Variants in METTL15 observed in about 807,000 individuals in gnomAD.
METTL15 encodes 12S rRNA N(4)-cytidine methyltransferase METTL15.
Under a neutral mutation model 38.3 loss-of-function variants are expected in METTL15, and 34 were observed. That is an observed-to-expected ratio of 0.89 (90% CI 0.68 to 1.18). METTL15 has a LOEUF of 1.18. METTL15 is among the 50% of genes most tolerant of loss of function. The pLI is 0.00. For missense variants in METTL15, 438 were observed against 498.4 expected, an observed-to-expected ratio of 0.88 and a Z score of 1.15; for synonymous variants, 162 against 170.9, an observed-to-expected ratio of 0.95 and a Z score of 0.41.
intron 6 of METTL15, among the ~76,000 whole-genome samples, chr11:28,439,614 A>T (rs1851016694): frequency 6.6e-6 from 1 of 152,134 alleles, no homozygotes; most frequent in Admixed American, 6.5e-5. Context: ...GGGGTGGAGG[A>T]GAAAAGGTAC....
chr11:28,163,742 ATTG>A lies in METTL15; in HGVS notation c.271-47314_271-47312del, dbSNP rs1163032381. 20 of 291,648 alleles carry A rather than the reference ATTG, an allele frequency of 6.9e-5. No individual in the cohort carries two copies. In the Admixed American group the frequency reaches 1.0e-3, roughly 15 times the overall value. 18.1% of individuals were successfully genotyped at this position (291,648 alleles called of 1,614,324 possible). On this transcript the variant is annotated intron_variant, in intron 3 of 6. Coordinates refer to ENST00000407364, the MANE Select transcript of METTL15 (RefSeq NM_001113528.2). The stretch of plus-strand genomic sequence containing the variant: ...AACTAAAATTTAGTGAGCTATTTTT[ATTG>A]TTGTTAATTTTTTAAGTCCTTTTTT...
At chr11:28,181,633 A>T (rs1409978767) in intron 3 of METTL15, among the ~76,000 whole-genome samples, 1 of 152,110 alleles carries the variant, frequency 6.6e-6, no homozygotes, top group Non-Finnish European at 1.5e-5. Context: ...TATATGTACC[A>T]CATTTTCTTT....
intron 5 of METTL15, among the ~76,000 whole-genome samples, chr11:28,404,996 A>C (rs1292067675): frequency 6.6e-6 from 1 of 152,132 alleles, no homozygotes; most frequent in South Asian, 2.1e-4. Context: ...CAAGCCCATA[A>C]ATGATACCAA....
intron 6 of METTL15, among the ~76,000 whole-genome samples, chr11:28,464,385 A>C (rs1851240309): frequency 6.6e-6 from 1 of 152,182 alleles, no homozygotes; most frequent in East Asian, 1.9e-4. Flanking sequence ...ACTCTGTTTC[A>C]ACTTGCCTAG....
intron 6 of METTL15, among the ~76,000 whole-genome samples, chr11:28,502,110 A>AG (rs1342170832): frequency 6.6e-6 from 1 of 151,648 alleles, no homozygotes; most frequent in Non-Finnish European, 1.5e-5. Flanking sequence ...CAAAAAAAAA[A>AG]AAAAGAAAAA....
intron 6 of METTL15, among the ~76,000 whole-genome samples, chr11:28,325,721 G>C (rs1473211857): frequency 1.3e-5 from 2 of 152,152 alleles, no homozygotes; most frequent in African/African-American, 4.8e-5. Flanking sequence ...AGTGGAGCCA[G>C]GCATTTTTGT....
chr11:28,319,260 C>G (rs1849376703), intron 6 of METTL15, among the ~76,000 whole-genome samples: 1 of 152,106 alleles, frequency 6.6e-6, no homozygotes, highest in African/African-American at 2.4e-5. Context: ...GGAATTAGAG[C>G]TTCTGGAAAT....
chr11:28,213,845 C>T (rs1590168293), intron 4 of METTL15, among the ~76,000 whole-genome samples: 2 of 151,242 alleles, frequency 1.3e-5, no homozygotes, highest in Non-Finnish European at 1.5e-5. Flanking sequence ...TTAGTAGAGA[C>T]GGGGTTTCAC....
At chr11:28,258,004 G>T (rs1165217334) in intron 4 of METTL15, among the ~76,000 whole-genome samples, 1 of 152,126 alleles carries the variant, frequency 6.6e-6, no homozygotes, top group African/African-American at 2.4e-5. Flanking sequence ...CATAGTCTGG[G>T]CTTGTTTGTA....
chr11:28,388,935 G>T (rs182843083), intron 5 of METTL15, among the ~76,000 whole-genome samples: 1 of 151,958 alleles, frequency 6.6e-6, no homozygotes, highest in Middle Eastern at 3.4e-3. Flanking sequence ...TGCAGTGTTC[G>T]GTTTTTTGTC....
intron 6 of METTL15, among the ~76,000 whole-genome samples, chr11:28,479,979 C>T (rs1360763818): frequency 6.6e-6 from 1 of 152,102 alleles, no homozygotes; most frequent in Non-Finnish European, 1.5e-5. Context: ...GTAGTTCCAA[C>T]ATGAATATTG....
intron 2 of METTL15, among the ~76,000 whole-genome samples, chr11:28,111,619 C>T (rs1335276887): frequency 6.6e-6 from 1 of 152,132 alleles, no homozygotes; most frequent in Non-Finnish European, 1.5e-5. Context: ...AGTTCAGGCT[C>T]TGGGGGTAGA....
chr11:28,347,343 AG>A (rs1431408478), intron 3 of METTL15, among the ~76,000 whole-genome samples: 1 of 152,194 alleles, frequency 6.6e-6, no homozygotes, highest in African/African-American at 2.4e-5. Context: ...CTTTGGCTGA[AG>A]GATTCATGAA....
chr11:28,151,022 A>G (rs1013215035), intron 3 of METTL15, among the ~76,000 whole-genome samples: 9 of 151,304 alleles, frequency 5.9e-5, no homozygotes, highest in South Asian at 4.2e-4. Context: ...AAAAAAAAAA[A>G]AAAGAAAAGG....
chr11:28,443,429 A>G (rs532180824), intron 6 of METTL15, among the ~76,000 whole-genome samples: 4 of 152,138 alleles, frequency 2.6e-5, no homozygotes, highest in Non-Finnish European at 1.5e-5. Context: ...TAGTGATATC[A>G]TCAAGTCAGA....
intron 5 of METTL15, among the ~76,000 whole-genome samples, chr11:28,373,754 G>A (rs1850273105): frequency 6.6e-6 from 1 of 152,078 alleles, no homozygotes; most frequent in African/African-American, 2.4e-5. Flanking sequence ...CCTATGTCCT[G>A]AATGGTAATG....
intron 5 of METTL15, among the ~76,000 whole-genome samples, chr11:28,407,920 G>A (rs778982865): frequency 4.6e-5 from 7 of 152,144 alleles, no homozygotes; most frequent in Non-Finnish European, 5.9e-5. Flanking sequence ...GCCCATAAAT[G>A]ATAGACTAGA....
intron 6 of METTL15, among the ~76,000 whole-genome samples, chr11:28,310,751 C>T (rs374036616): frequency 3.3e-5 from 5 of 152,064 alleles, no homozygotes; most frequent in African/African-American, 9.6e-5. Flanking sequence ...CTGTTCTGTC[C>T]GTTTCCCCTA....
chr11:28,303,301 G>A (rs903691844), intron 6 of METTL15, among the ~76,000 whole-genome samples: 1 of 152,094 alleles, frequency 6.6e-6, no homozygotes, highest in Non-Finnish European at 1.5e-5. Context: ...GCAAATAATA[G>A]TTATGATAAT....
Sources: gnomAD v4.1 joint callset for allele counts (sites outside exome capture counted in the v4.1 genomes callset) on GRCh38, gnomAD v4.1.1 for gene constraint, MANE v1.5 for transcripts, NCBI Gene and HGNC (gene_info 2026-07-23, HGNC 2026-07-21) for gene names.